The following DOCK5 variants were observed in gnomAD, a reference collection of about 807,000 sequenced individuals.
The protein encoded by DOCK5 is dedicator of cytokinesis protein 5.
A neutral mutation model predicts 251.8 loss-of-function variants in DOCK5; 142 were observed. That is an observed-to-expected ratio of 0.56 (90% CI 0.49 to 0.65). DOCK5 has a LOEUF of 0.65. DOCK5 is among the 30% of genes least tolerant of loss of function. The pLI, the probability that DOCK5 is intolerant of heterozygous loss-of-function variation, is 0.00. For synonymous variants in DOCK5, 842 were observed against 835.5 expected, an observed-to-expected ratio of 1.01 and a Z score of -0.13; for missense variants, 2,111 against 2,312.3, an observed-to-expected ratio of 0.91 and a Z score of 1.79.
intron 26 of DOCK5, among the ~76,000 whole-genome samples, chr8:25,347,412 A>G (rs766540345): frequency 2.0e-5 from 3 of 152,140 alleles, no homozygotes; most frequent in Non-Finnish European, 2.9e-5. Context: ...TTCATTAAGT[A>G]TGTTTATAGA....
rs762915553 is a variant in DOCK5, at chr8:25,408,008, C to A, written c.5119C>A (p.Arg1707Ser). The A allele has an allele frequency of 6.2e-7, 1 of 1,612,500 alleles. No homozygotes were observed. Among genetic ancestry groups the A allele is most frequent in the African/African-American group, 1.3e-5 (1 of 74,806 alleles). The change falls in exon 49 of 52, where the codon CGC (arginine) becomes AGC (serine). Residue 1707 changes from arginine to serine, a missense_variant. Physicochemically the swap from Arg to Ser is moderately radical, Grantham distance 110. Transcript: ENST00000276440. ...DGSILEPLLE[R>S]RASSGARVED... ...CTCAATCTTGGAGCCACTTTTGGAGCGCAGGGCCTCGTCAGGTGCCAGAGT... is the reference window on the plus strand; with the variant it reads ...CTCAATCTTGGAGCCACTTTTGGAGAGCAGGGCCTCGTCAGGTGCCAGAGT...
intron 10 of DOCK5, 126 bp from the exon 11 acceptor site, chr8:25,304,129 A>C: frequency 1.3e-6 from 1 of 788,406 alleles, no homozygotes; most frequent in Non-Finnish European, 1.9e-6. Flanking sequence ...AGAAATTTTA[A>C]AAAAGTCCCT....
intron 1 of DOCK5, among the ~76,000 whole-genome samples, chr8:25,218,454 G>C (rs764287948): frequency 4.4e-4 from 67 of 152,188 alleles, no homozygotes; most frequent in Non-Finnish European, 6.6e-4. Context: ...CCTCCATAGT[G>C]CCTCTGTGTG....
chr8:25,211,562 T>G lies in DOCK5; in HGVS notation c.43+26611T>G, dbSNP rs111347882. Among the ~76,000 whole-genome samples, 610 of 70,754 alleles carry G rather than the reference T, an allele frequency of 8.6e-3. 174 individuals carry two copies. The highest frequency in any genetic ancestry group is 0.019 in the African/African-American group (586 of 31,194). The allele number at this position is 70,754 out of a possible 152,430, so 46.4% of individuals were successfully genotyped here. A position where few individuals can be genotyped will look rare whatever the true frequency, so the allele number is the denominator to read the frequency against. ...TGGCTCATGCTTGTAATCCCAACAC[T>G]TTGGGAGGCTGAGGCGGAAGGATCA... is the stretch of plus-strand genomic sequence containing the variant. On this transcript the variant is annotated intron_variant, in intron 1 of 51. Transcript: ENST00000276440.
chr8:25,238,092 G>A (rs1032189861), intron 1 of DOCK5, among the ~76,000 whole-genome samples: 31 of 152,170 alleles, frequency 2.0e-4, no homozygotes, highest in African/African-American at 6.5e-4. Context: ...TCAGACTAGC[G>A]GACAATGTGA....
At chr8:25,256,745 C>T (rs1380525478) in intron 2 of DOCK5, among the ~76,000 whole-genome samples, 3 of 151,098 alleles carry the variant, frequency 2.0e-5, no homozygotes, top group African/African-American at 7.3e-5. Context: ...AGTGTTTAAT[C>T]AGGCCTTAGA....
intron 5 of DOCK5, among the ~76,000 whole-genome samples, chr8:25,289,711 G>T (rs1308246770): frequency 6.6e-6 from 1 of 151,712 alleles, no homozygotes. Context: ...GCGTGGTGGC[G>T]CATGCCTGTA....
intron 40 of DOCK5, among the ~76,000 whole-genome samples, chr8:25,384,455 A>ATTTTTT (rs1294643896): frequency 1.3e-4 from 6 of 45,206 alleles, no homozygotes; most frequent in South Asian, 7.1e-4. Context: ...TTATTTATTT[A>ATTTTTT]TTTATTTATT....
At chr8:25,291,942 A>C in intron 5 of DOCK5, 82 bp from the exon 6 acceptor site, 1 of 1,363,362 alleles carries the variant, frequency 7.3e-7, no homozygotes, top group Non-Finnish European at 9.7e-7. Flanking sequence ...CGTTAAAAAC[A>C]AACAAATAAA....
intron 29 of DOCK5, among the ~76,000 whole-genome samples, chr8:25,364,137 T>C (rs930301413): frequency 1.3e-5 from 2 of 152,160 alleles, no homozygotes; most frequent in African/African-American, 4.8e-5. Flanking sequence ...ATATATTATA[T>C]TAAAAGAGTG....
intron 1 of DOCK5, among the ~76,000 whole-genome samples, chr8:25,233,624 G>C (rs7822285): frequency 0.055 from 8,354 of 152,230 alleles, 537 homozygotes; most frequent in African/African-American, 0.16. Flanking sequence ...ACTTGCCCTA[G>C]AGTCCAGGAT....
rs186521632 is a variant in DOCK5 at position 25,268,150 on chromosome 8, C to T, written c.128-695C>T. Among the ~76,000 whole-genome samples, 645 of 152,082 alleles carry T rather than the reference C, an allele frequency of 4.2e-3. 10 individuals are homozygous for T. The highest frequency in any genetic ancestry group is 0.015 in the African/African-American group (614 of 41,490). The stretch of plus-strand genomic sequence containing the variant: ...TGCTGGGATTACAAGCGTGAGCCAC[C>T]GTGCCCGGCTGGAATTTTTAAAAAG... On this transcript the variant is annotated intron_variant, in intron 2 of 51. Coordinates refer to ENST00000276440, the MANE Select transcript of DOCK5 (RefSeq NM_024940.8).
intron 8 of DOCK5, 131 bp downstream of exon 8, chr8:25,299,232 A>C (rs1226435296): frequency 4.6e-6 from 5 of 1,085,432 alleles, no homozygotes; most frequent in Non-Finnish European, 6.4e-6. Context: ...TCTAAGCAGT[A>C]GAATGTAAAA....
chr8:25,281,077 C>T (rs1327936286), intron 5 of DOCK5, among the ~76,000 whole-genome samples: 2 of 149,908 alleles, frequency 1.3e-5, no homozygotes, highest in Non-Finnish European at 3.0e-5. Flanking sequence ...TTACCTATGT[C>T]TTCTACACAT....
At chr8:25,356,468 C>T (rs1198690303) in intron 27 of DOCK5, among the ~76,000 whole-genome samples, 1 of 151,988 alleles carries the variant, frequency 6.6e-6, no homozygotes, top group African/African-American at 2.4e-5. Context: ...GAGTTGGAGA[C>T]CAGCCTGAGA....
At chr8:25,256,342 T>C (rs753393999) in intron 2 of DOCK5, among the ~76,000 whole-genome samples, 3 of 152,148 alleles carry the variant, frequency 2.0e-5, no homozygotes, top group African/African-American at 4.8e-5. Flanking sequence ...AATGCCAGTG[T>C]AAGAATCTGT....
chr8:25,315,766 T>A (rs1336903550), intron 13 of DOCK5, among the ~76,000 whole-genome samples: 1 of 152,236 alleles, frequency 6.6e-6, no homozygotes, highest in Non-Finnish European at 1.5e-5. Flanking sequence ...AAAGAGTGTG[T>A]CAAGTAAGAT....
intron 48 of DOCK5, 43 bp downstream of exon 48, chr8:25,403,767 C>T (rs755361598): frequency 6.3e-7 from 1 of 1,597,078 alleles, no homozygotes; most frequent in Non-Finnish European, 8.6e-7. Flanking sequence ...TGGGGTAACG[C>T]CTTACTAATG....
At chr8:25,261,310 G>A (rs1049405771) in intron 2 of DOCK5, among the ~76,000 whole-genome samples, 1 of 152,122 alleles carries the variant, frequency 6.6e-6, no homozygotes, top group African/African-American at 2.4e-5. Context: ...TTGCTCACTG[G>A]AGAAATTAAT....
Sources: gnomAD v4.1 joint callset for allele counts (sites outside exome capture counted in the v4.1 genomes callset) on GRCh38, gnomAD v4.1.1 for gene constraint, MANE v1.5 for transcripts, NCBI Gene and HGNC (gene_info 2026-07-23, HGNC 2026-07-21) for gene names.